SLC35A5: variants seen among roughly 807,000 people sequenced by gnomAD.
SLC35A5 encodes UDP-sugar transporter protein SLC35A5.
SLC35A5 carries 28 observed loss-of-function variants against 36.3 expected under a neutral mutation model. The observed-to-expected ratio is 0.77, with a 90% confidence interval of 0.57 to 1.06. The LOEUF (loss-of-function observed/expected upper bound fraction) is 1.06. Ranked by LOEUF, SLC35A5 falls within the 50% of genes least tolerant of loss-of-function variation. The pLI is 0.00. For synonymous variants in SLC35A5, 180 were observed against 173.7 expected, an observed-to-expected ratio of 1.04 and a Z score of -0.29; for missense variants, 521 against 499.3, an observed-to-expected ratio of 1.04 and a Z score of -0.41.
At chr3:112,567,507 G>A (rs539279575) in intron 2 of SLC35A5, among the ~76,000 whole-genome samples, 1 of 152,252 alleles carries the variant, frequency 6.6e-6, no homozygotes, top group East Asian at 1.9e-4. Flanking sequence ...TTGACCAGAC[G>A]TGGTTTTACC....
intron 5 of SLC35A5, among the ~76,000 whole-genome samples, chr3:112,579,379 C>T (rs1398680298): frequency 6.6e-6 from 1 of 151,950 alleles, no homozygotes; most frequent in Non-Finnish European, 1.5e-5. Flanking sequence ...TATTGCTTTA[C>T]ACTTCTGCAT....
At chr3:112,561,454 T>C, upstream of SLC35A5, 1 of 1,613,356 alleles carries the variant, frequency 6.2e-7, no homozygotes, top group Non-Finnish European at 8.5e-7. Context: ...TGGCCTGGCT[T>C]ACCTTGAGGA....
At position 112,573,975 on chromosome 3, in the gene SLC35A5, A is replaced by C. The variant is rs759558130; in HGVS notation, c.428+19A>C. 8 of 1,589,778 alleles carry C rather than the reference A, an allele frequency of 5.0e-6. No homozygotes were observed. In the African/African-American group the frequency reaches 1.1e-4, roughly 21 times the overall value. ...TGCTGAAGTAAGTAACTTGCTGTGAAAACATATATCATACTTTAAAATAAC... is the reference window on the plus strand; with the variant it reads ...TGCTGAAGTAAGTAACTTGCTGTGACAACATATATCATACTTTAAAATAAC... On this transcript the variant is annotated intron_variant, in intron 5 of 6. Transcript: ENST00000492406.
chr3:112,584,828 A>G lies in SLC35A5; in HGVS notation c.*2092A>G, dbSNP rs1204725690. 3.3e-5 allele frequency: 5 copies of G among 152,198 alleles called. No homozygotes were observed. Among genetic ancestry groups the G allele is most frequent in the African/African-American group, 7.2e-5 (3 of 41,456 alleles). 9.4% of individuals were successfully genotyped at this position (152,198 alleles called of 1,614,324 possible). On this transcript the variant is annotated 3_prime_UTR_variant, in exon 7 of 7. Transcript: ENST00000492406. ...GGTGCCTGGAATAAGAAAATGTGGT[A>G]CATATACACCATGGAATACTTTGCA...
chr3:112,568,643 A>G (rs931471657), intron 2 of SLC35A5, among the ~76,000 whole-genome samples: 1 of 152,180 alleles, frequency 6.6e-6, no homozygotes, highest in African/African-American at 2.4e-5. Context: ...TCAGTGTACC[A>G]TTTATCCCAG....
At chr3:112,574,621 A>T (rs1481411191) in intron 5 of SLC35A5, among the ~76,000 whole-genome samples, 2 of 152,084 alleles carry the variant, frequency 1.3e-5, no homozygotes, top group Non-Finnish European at 2.9e-5. Context: ...TTAATTTCTT[A>T]CTTAATGATA....
At chr3:112,563,343 T>A (rs2107407477) in intron 1 of SLC35A5, 42 bp from the exon 2 acceptor site, 1 of 1,398,324 alleles carries the variant, frequency 7.2e-7, no homozygotes, top group East Asian at 2.6e-5. Flanking sequence ...GCGTTTAGGG[T>A]CTGCCAACAA....
At chr3:112,570,743 ATC>A (rs1934402687) in intron 4 of SLC35A5, 73 bp downstream of exon 4, 1 of 1,184,536 alleles carries the variant, frequency 8.4e-7, no homozygotes, top group Admixed American at 3.1e-5. Context: ...TTTTTTTTTT[ATC>A]ATTTTTGTTG....
chr3:112,565,834 G>C (rs2107414574), intron 2 of SLC35A5, among the ~76,000 whole-genome samples: 1 of 152,306 alleles, frequency 6.6e-6, no homozygotes, highest in Non-Finnish European at 1.5e-5. Flanking sequence ...TGGCTGGAGA[G>C]AGGTTGGTAA....
rs1470172924 is a variant in SLC35A5, at chr3:112,583,919, G to A, written c.*1183G>A. The A allele has an allele frequency of 6.6e-6, 1 of 152,146 alleles. No individual in the cohort carries two copies. The allele number at this position is 152,146 out of a possible 1,614,324, so 9.4% of individuals were successfully genotyped here. A position where few individuals can be genotyped will look rare whatever the true frequency, so the allele number is the denominator to read the frequency against. On this transcript the variant is annotated 3_prime_UTR_variant, in exon 7 of 7. Coordinates refer to ENST00000492406, the MANE Select transcript of SLC35A5 (RefSeq NM_017945.5). ...CTTGCTCAGGGTCATGCAGCTGGGTGATGATAGAAGAGTGGGCTTTAACTG... is the reference window on the plus strand; with the variant it reads ...CTTGCTCAGGGTCATGCAGCTGGGTAATGATAGAAGAGTGGGCTTTAACTG...
At chr3:112,563,653 T>C (rs1035848231) in intron 2 of SLC35A5, 120 bp downstream of exon 2, 7 of 1,053,832 alleles carry the variant, frequency 6.6e-6, no homozygotes, top group Non-Finnish European at 7.6e-6. Flanking sequence ...ATGTGAGTGA[T>C]AAAGCATATT....
Position 112,580,992 on chromosome 3 carries a change from A to C in SLC35A5, c.875A>C (p.Gln292Pro). 6.2e-7 allele frequency: 1 copy of C among 1,614,142 alleles called. No homozygotes were observed. The highest frequency in any genetic ancestry group is 8.5e-7 in the Non-Finnish European group (1 of 1,179,990). Residue 292 changes from glutamine (Q) to proline (P), a missense_variant, in exon 6 of 7, where the codon CAG becomes CCG. Physicochemically the swap from Gln to Pro is moderately conservative, Grantham distance 76. Coordinates refer to ENST00000492406, the MANE Select transcript of SLC35A5 (RefSeq NM_017945.5). ...GGCCTTCAGAGGAGTAACCGTGATC[A>C]GATTAAGAACTGTGGATTTTTTTAT... ...TLGLQRSNRD[Q>P]IKNCGFFYGH...
chr3:112,561,982 C>A (rs1331154928), upstream of SLC35A5: 1 of 176,742 alleles, frequency 5.7e-6, no homozygotes, highest in East Asian at 1.9e-4. Flanking sequence ...CGGCACGTGA[C>A]GTGAGAAAGG....
intron 2 of SLC35A5, among the ~76,000 whole-genome samples, chr3:112,565,226 A>C (rs189008254): frequency 6.6e-6 from 1 of 152,312 alleles, no homozygotes; most frequent in East Asian, 1.9e-4. Context: ...ATCCATTATA[A>C]TAACTGCAAT....
At chr3:112,569,833 C>T (rs913363933) in intron 3 of SLC35A5, among the ~76,000 whole-genome samples, 2 of 152,136 alleles carry the variant, frequency 1.3e-5, no homozygotes, top group Non-Finnish European at 2.9e-5. Context: ...ATTGCGCCTC[C>T]GCTCCCTCCC....
At chr3:112,567,679 C>A (rs1934259866) in intron 2 of SLC35A5, among the ~76,000 whole-genome samples, 1 of 152,124 alleles carries the variant, frequency 6.6e-6, no homozygotes, top group Non-Finnish European at 1.5e-5. Flanking sequence ...TGAAGGGAAA[C>A]CAGTGAATGC....
At chr3:112,561,533 G>T, upstream of SLC35A5, 1 of 1,608,564 alleles carries the variant, frequency 6.2e-7, no homozygotes. Context: ...CTGCATCCTG[G>T]GGCCGGAGTA....
intron 3 of SLC35A5, 99 bp from the exon 4 acceptor site, chr3:112,570,441 C>A: frequency 1.5e-6 from 2 of 1,331,740 alleles, no homozygotes; most frequent in Non-Finnish European, 2.0e-6. Context: ...GTTTATAAAG[C>A]TCCCTTTAAA....
At chr3:112,572,686 G>A (rs904628887) in intron 4 of SLC35A5, among the ~76,000 whole-genome samples, 1 of 152,138 alleles carries the variant, frequency 6.6e-6, no homozygotes, top group African/African-American at 2.4e-5. Flanking sequence ...TCTGTGTATT[G>A]CTGTGCCTGA....
Sources: allele counts gnomAD v4.1 joint callset (sites outside exome capture counted in the v4.1 genomes callset), GRCh38; gene constraint gnomAD v4.1.1; transcripts MANE v1.5; gene names NCBI Gene and HGNC (gene_info 2026-07-23, HGNC 2026-07-21).